The following TASP1 variants were observed in gnomAD, a reference collection of about 807,000 sequenced individuals.
TASP1 encodes the protein threonine aspartase 1.
A neutral mutation model predicts 56.6 loss-of-function variants in TASP1; 16 were observed. That is an observed-to-expected ratio of 0.28 (90% CI 0.19 to 0.43). TASP1 has a LOEUF of 0.43. TASP1 is among the 20% of genes least tolerant of loss of function. TASP1 has a pLI of 1.00. For missense variants in TASP1, 393 were observed against 511.6 expected (o/e 0.77, Z 2.24); for synonymous variants, 179 against 184.2 (o/e 0.97, Z 0.23).
chr20:13,479,220 T>C (rs894967127), intron 11 of TASP1, among the ~76,000 whole-genome samples: 1 of 152,132 alleles, frequency 6.6e-6, no homozygotes, highest in Non-Finnish European at 1.5e-5. Context: ...ATACAATTTT[T>C]CTACACATGC....
chr20:13,303,527 A>G, the TASP1 span, among the ~76,000 whole-genome samples: 2 of 152,182 alleles, frequency 1.3e-5, no homozygotes, highest in South Asian at 2.1e-4. Context: ...CAGGGGCAAC[A>G]TAACAGGCAC....
chr20:13,262,130 T>C, the TASP1 span, among the ~76,000 whole-genome samples: 32 of 152,298 alleles, frequency 2.1e-4, no homozygotes, highest in South Asian at 1.5e-3. Flanking sequence ...TTGCCGGTAA[T>C]GGAGAAAGCA....
chr20:13,308,191 G>T, the TASP1 span, among the ~76,000 whole-genome samples: 1 of 152,164 alleles, frequency 6.6e-6, no homozygotes, highest in African/African-American at 2.4e-5. Flanking sequence ...GACACAAAAA[G>T]GAATAGACAG....
chr20:13,318,477 G>A, the TASP1 span, among the ~76,000 whole-genome samples: 7 of 152,276 alleles, frequency 4.6e-5, no homozygotes, highest in African/African-American at 1.4e-4. Context: ...GTGCTGCTTG[G>A]TATTTACCCA....
intron 4 of TASP1, among the ~76,000 whole-genome samples, chr20:13,604,974 T>G (rs879560733): frequency 7.3e-6 from 1 of 137,364 alleles, no homozygotes; most frequent in Non-Finnish European, 1.5e-5. Flanking sequence ...AAAGTCTACA[T>G]AAAGACATAA....
At chr20:13,457,648 T>C (rs577859531) in intron 11 of TASP1, among the ~76,000 whole-genome samples, 11 of 152,280 alleles carry the variant, frequency 7.2e-5, no homozygotes, top group South Asian at 2.1e-4. Flanking sequence ...TCAGGAAGTA[T>C]ACAGTTTCTT....
the TASP1 span, among the ~76,000 whole-genome samples, chr20:13,202,890 A>G: frequency 6.6e-6 from 1 of 152,232 alleles, no homozygotes. Context: ...AGAAGATTAT[A>G]GTCGGCTTCT....
intron 10 of TASP1, among the ~76,000 whole-genome samples, chr20:13,515,074 G>C (rs1195186156): frequency 6.6e-6 from 1 of 152,076 alleles, no homozygotes; most frequent in African/African-American, 2.4e-5. Context: ...CCCTCTATCA[G>C]CATCTTTTCA....
At chr20:13,120,147 G>GA in the TASP1 span, among the ~76,000 whole-genome samples, 2 of 152,002 alleles carry the variant, frequency 1.3e-5, no homozygotes, top group Non-Finnish European at 2.9e-5. Context: ...ATTTTTGTTT[G>GA]AAAAAACTAC....
chr20:13,509,540 A>G (rs1489192257), intron 10 of TASP1, among the ~76,000 whole-genome samples: 2 of 152,208 alleles, frequency 1.3e-5, no homozygotes, highest in Non-Finnish European at 2.9e-5. Context: ...TATGTTAATT[A>G]GTTTGATTGT....
chr20:13,580,984 A>AC lies in TASP1; in HGVS notation c.404-4_404-3insG. ...AACCGAGACTGGGTTCTTGATTCCT[A>AC]TAAAAAAAAAAAAAAAATTGGCAAA... On this transcript the variant is annotated splice_region_variant and splice_polypyrimidine_tract_variant and intron_variant, in intron 5 of 13. Transcript: ENST00000337743. 4.4e-6 allele frequency: 7 copies of AC among 1,573,774 alleles called. No individual in the cohort carries two copies. The highest frequency in any genetic ancestry group is 6.0e-6 in the Non-Finnish European group (7 of 1,161,696).
At chr20:13,573,714 C>G (rs1568599670) in intron 6 of TASP1, among the ~76,000 whole-genome samples, 1 of 152,082 alleles carries the variant, frequency 6.6e-6, no homozygotes, top group African/African-American at 2.4e-5. Context: ...AACAAAGTTA[C>G]CCTCTTATTT....
At chr20:13,175,023 T>A in the TASP1 span, among the ~76,000 whole-genome samples, 2 of 152,188 alleles carry the variant, frequency 1.3e-5, no homozygotes, top group Admixed American at 1.3e-4. Flanking sequence ...TTGCTCTTCA[T>A]TCGCTTTCTG....
intron 4 of TASP1, among the ~76,000 whole-genome samples, chr20:13,592,500 T>C (rs147884984): frequency 3.2e-4 from 48 of 152,126 alleles, no homozygotes; most frequent in African/African-American, 9.4e-4. Context: ...TATAAGAGCA[T>C]AGACAGCTAA....
chr20:13,386,041 T>C (rs2041160711), downstream of TASP1, among the ~76,000 whole-genome samples: 1 of 152,194 alleles, frequency 6.6e-6, no homozygotes, highest in Non-Finnish European at 1.5e-5. Context: ...GGCTGAGACC[T>C]TACCACAGTG....
At chr20:13,131,208 A>G in the TASP1 span, among the ~76,000 whole-genome samples, 2 of 152,202 alleles carry the variant, frequency 1.3e-5, no homozygotes, top group African/African-American at 2.4e-5. Context: ...ATCAATCAAC[A>G]TTTTTTGAAC....
chr20:13,456,424 T>C (rs1159298142), intron 11 of TASP1, among the ~76,000 whole-genome samples: 4 of 152,106 alleles, frequency 2.6e-5, no homozygotes, highest in Non-Finnish European at 5.9e-5. Context: ...CTCCACCATA[T>C]AGTCCTGATT....
chr20:13,529,521 G>C (rs1370684207), intron 9 of TASP1, among the ~76,000 whole-genome samples: 2 of 152,178 alleles, frequency 1.3e-5, no homozygotes, highest in Non-Finnish European at 2.9e-5. Context: ...TGAGGAAATG[G>C]CTAAACTTTG....
chr20:13,418,665 AT>A (rs2042340133), intron 12 of TASP1, among the ~76,000 whole-genome samples: 1 of 152,372 alleles, frequency 6.6e-6, no homozygotes. Flanking sequence ...AAAAATTCTT[AT>A]AACAGGAAAA....
Sources: allele counts gnomAD v4.1 joint callset (sites outside exome capture counted in the v4.1 genomes callset), GRCh38; gene constraint gnomAD v4.1.1; transcripts MANE v1.5; gene names NCBI Gene and HGNC (gene_info 2026-07-23, HGNC 2026-07-21).